Variants in ANKS1B observed in about 807,000 individuals in gnomAD.
ANKS1B encodes the protein ankyrin repeat and sterile alpha motif domain-containing protein 1B.
A neutral mutation model predicts 148.3 loss-of-function variants in ANKS1B; 36 were observed. The ratio of observed to expected loss-of-function variants is 0.24; its 90% CI spans 0.19 to 0.32. The LOEUF is 0.32. Ranked by LOEUF, ANKS1B falls within the 10% of genes least tolerant of loss-of-function variation. ANKS1B has a pLI of 1.00. For missense variants in ANKS1B, 1,157 were observed against 1,542.6 expected (o/e 0.75, Z 4.19); for synonymous variants, 542 against 560.8 (o/e 0.97, Z 0.47).
chr12:98,895,004 G>T, intron 17 of ANKS1B: 1 of 821,940 alleles, frequency 1.2e-6, no homozygotes, highest in Non-Finnish European at 1.5e-6. Flanking sequence ...GGCGGCGGCG[G>T]CGGCGCGTCC....
chr12:99,319,782 A>G (rs1297742762), intron 12 of ANKS1B, among the ~76,000 whole-genome samples: 2 of 152,164 alleles, frequency 1.3e-5, no homozygotes, highest in Admixed American at 1.3e-4. Context: ...CTTTCTTCCT[A>G]GCATCGATGG....
At chr12:99,905,879 T>G (rs889046771) in intron 1 of ANKS1B, among the ~76,000 whole-genome samples, 1 of 152,168 alleles carries the variant, frequency 6.6e-6, no homozygotes, top group African/African-American at 2.4e-5. Flanking sequence ...ATAAGGTAGA[T>G]GGGGTTAGGA....
intron 8 of ANKS1B, among the ~76,000 whole-genome samples, chr12:99,721,882 G>A (rs982618368): frequency 6.6e-6 from 1 of 152,212 alleles, no homozygotes; most frequent in Non-Finnish European, 1.5e-5. Context: ...TTAAAAGTGC[G>A]ACTCCAGTGG....
At position 98,751,610 on chromosome 12, in the gene ANKS1B, T is replaced by A; in HGVS notation, c.3580-88A>T. 1 of 1,291,414 alleles carries A rather than the reference T, an allele frequency of 7.7e-7. No individual in the cohort carries two copies. The highest frequency in any genetic ancestry group is 1.1e-6 in the Non-Finnish European group (1 of 911,228). The allele number at this position is 1,291,414 out of a possible 1,614,324, so 80.0% of individuals were successfully genotyped here. On this transcript the variant is annotated intron_variant, in intron 25 of 26. Coordinates refer to ENST00000683438, the MANE Select transcript of ANKS1B (RefSeq NM_001352186.2). The surrounding 1 kb of genome is among the most constrained non-coding windows in gnomAD (Gnocchi z 4.3). ...CTGAGGAACACTGAGGGAGGTGAAC[T>A]AGGGAGGAACTTGAACTACTTCACC...
At chr12:99,758,742 A>G (rs1159400656) in intron 8 of ANKS1B, among the ~76,000 whole-genome samples, 1 of 151,942 alleles carries the variant, frequency 6.6e-6, no homozygotes, top group Non-Finnish European at 1.5e-5. Context: ...CACATACAAT[A>G]CAAAAATATG....
At chr12:99,675,668 A>AC (rs2098560272) in intron 8 of ANKS1B, among the ~76,000 whole-genome samples, 1 of 151,812 alleles carries the variant, frequency 6.6e-6, no homozygotes, top group Admixed American at 6.6e-5. Flanking sequence ...TACCAATCTA[A>AC]CCCAAAAAAA....
intron 9 of ANKS1B, among the ~76,000 whole-genome samples, chr12:99,546,635 G>A (rs1240288803): frequency 6.6e-6 from 1 of 152,188 alleles, no homozygotes; most frequent in Non-Finnish European, 1.5e-5. Flanking sequence ...GGAACTCCAT[G>A]AAATCAGGAG....
chr12:99,297,392 T>G (rs1296635365), intron 12 of ANKS1B, among the ~76,000 whole-genome samples: 1 of 152,184 alleles, frequency 6.6e-6, no homozygotes, highest in Non-Finnish European at 1.5e-5. Flanking sequence ...TAAGGCTGTT[T>G]CAAAATGTTT....
chr12:98,773,222 C>G (rs1387761394), intron 24 of ANKS1B, 43 bp from the exon 25 acceptor site: 4 of 1,563,138 alleles, frequency 2.6e-6, no homozygotes, highest in Non-Finnish European at 3.5e-6. Flanking sequence ...CCTCTGCGAA[C>G]CAGCATATAT....
At chr12:99,112,682 T>C (rs2060540408) in intron 15 of ANKS1B, among the ~76,000 whole-genome samples, 1 of 152,148 alleles carries the variant, frequency 6.6e-6, no homozygotes, top group South Asian at 2.1e-4. Flanking sequence ...ACTGAACTCA[T>C]CTGACACCCA....
At chr12:99,028,204 T>C (rs2099949900) in intron 17 of ANKS1B, among the ~76,000 whole-genome samples, 2 of 152,212 alleles carry the variant, frequency 1.3e-5, no homozygotes, top group Admixed American at 1.3e-4. Flanking sequence ...ATATGAACAT[T>C]GGTTATTGTT....
chr12:98,928,649 A>C (rs1261279008), intron 17 of ANKS1B, among the ~76,000 whole-genome samples: 1 of 151,994 alleles, frequency 6.6e-6, no homozygotes, highest in Non-Finnish European at 1.5e-5. Context: ...ATCATAAATC[A>C]ATGCAATACT....
At chr12:99,470,154 A>G (rs1269111466) in intron 10 of ANKS1B, among the ~76,000 whole-genome samples, 1 of 151,630 alleles carries the variant, frequency 6.6e-6, no homozygotes, top group African/African-American at 2.4e-5. Flanking sequence ...TTTTCATGAA[A>G]AAAAGAAATA....
intron 8 of ANKS1B, among the ~76,000 whole-genome samples, chr12:99,690,688 C>T (rs1045210618): frequency 2.0e-5 from 3 of 152,220 alleles, no homozygotes; most frequent in African/African-American, 7.2e-5. Flanking sequence ...CAGCTCCACC[C>T]CTGTGGCTCT....
intron 8 of ANKS1B, among the ~76,000 whole-genome samples, chr12:99,745,397 C>T (rs1033012028): frequency 1.3e-5 from 2 of 152,114 alleles, no homozygotes; most frequent in African/African-American, 4.8e-5. Context: ...CCTATCTACT[C>T]GGAAGTCCTT....
intron 15 of ANKS1B, 88 bp downstream of exon 15, chr12:99,154,201 G>C: frequency 1.3e-6 from 2 of 1,520,004 alleles, no homozygotes; most frequent in Non-Finnish European, 1.8e-6. Context: ...CAGTTTTGGT[G>C]CAAATCAGGC....
intron 17 of ANKS1B, among the ~76,000 whole-genome samples, chr12:98,899,651 C>T (rs2152764179): frequency 6.6e-6 from 1 of 152,280 alleles, no homozygotes; most frequent in African/African-American, 2.4e-5. Context: ...TCAGTCTTGT[C>T]CAGCCAGTCT....
chr12:99,097,294 C>T (rs923442192), intron 15 of ANKS1B: 2 of 151,992 alleles, frequency 1.3e-5, no homozygotes, highest in South Asian at 4.2e-4. Flanking sequence ...GCTGGTACAC[C>T]ATAACACCAA....
At chr12:98,827,191 C>T (rs1221081041) in intron 19 of ANKS1B, among the ~76,000 whole-genome samples, 1 of 152,146 alleles carries the variant, frequency 6.6e-6, no homozygotes, top group African/African-American at 2.4e-5. Flanking sequence ...GTTGCAGTTC[C>T]AGAATCCCTT....
Sources: gnomAD v4.1 joint callset for allele counts (sites outside exome capture counted in the v4.1 genomes callset) on GRCh38, gnomAD v4.1.1 for gene constraint, Gnocchi (gnomAD v3.1) non-coding constraint, MANE v1.5 for transcripts, NCBI Gene and HGNC (gene_info 2026-07-23, HGNC 2026-07-21) for gene names.